GDA: variants seen among roughly 807,000 people sequenced by gnomAD.
GDA encodes guanine deaminase.
In GDA, 18 loss-of-function variants were observed where a neutral mutation model predicts 59.6. The ratio of observed to expected loss-of-function variants is 0.30; its 90% CI spans 0.21 to 0.45. The LOEUF is 0.45. Ranked by LOEUF, GDA falls within the 20% of genes least tolerant of loss-of-function variation. The probability of loss-of-function intolerance (pLI) is 1.00; values close to 1 mark genes in which losing one functional copy is unlikely to be tolerated. For synonymous variants in GDA, 201 were observed against 201.1 expected, an observed-to-expected ratio of 1.00 and a Z score of 0.00; for missense variants, 427 against 552.3, an observed-to-expected ratio of 0.77 and a Z score of 2.27.
exon 1 of GDA, chr9:72,114,690 T>C (rs981160199): frequency 4.6e-5 from 7 of 152,022 alleles, no homozygotes; most frequent in Non-Finnish European, 8.8e-5. Flanking sequence ...TTCTTTGCTT[T>C]CAAAATCCAG....
intron 1 of GDA, among the ~76,000 whole-genome samples, chr9:72,157,139 A>T (rs1001677632): frequency 6.9e-6 from 1 of 145,806 alleles, no homozygotes; most frequent in Non-Finnish European, 1.5e-5. Context: ...TCCTGGGTTC[A>T]AGCGATTCTC....
chr9:72,141,040 C>T (rs568911913), intron 1 of GDA, among the ~76,000 whole-genome samples: 25 of 152,272 alleles, frequency 1.6e-4, no homozygotes, highest in African/African-American at 5.8e-4. Context: ...AATATGGACA[C>T]TATGGCAATT....
At chr9:72,215,578 A>G (rs1163515900) in intron 5 of GDA, among the ~76,000 whole-genome samples, 1 of 152,088 alleles carries the variant, frequency 6.6e-6, no homozygotes, top group Non-Finnish European at 1.5e-5. Flanking sequence ...AGGAGGGAAG[A>G]TGTGGTTCCT....
At chr9:72,210,645 T>C in intron 3 of GDA, 42 bp from the exon 4 acceptor site, 1 of 1,112,360 alleles carries the variant, frequency 9.0e-7, no homozygotes, top group Admixed American at 1.7e-5. Context: ...ATGTGACTTT[T>C]CTGAGCACAC....
At chr9:72,174,430 A>C (rs1349220261) in intron 1 of GDA, among the ~76,000 whole-genome samples, 1 of 152,240 alleles carries the variant, frequency 6.6e-6, no homozygotes, top group Non-Finnish European at 1.5e-5. Context: ...CAGCTTGTTC[A>C]TAACTGCTAC....
chr9:72,164,184 A>G (rs542016529), intron 1 of GDA, among the ~76,000 whole-genome samples: 1 of 152,300 alleles, frequency 6.6e-6, no homozygotes, highest in African/African-American at 2.4e-5. Flanking sequence ...TGTAGAGTAA[A>G]GGTTGAGAAG....
At chr9:72,116,939 C>T (rs1223918521) in intron 1 of GDA, among the ~76,000 whole-genome samples, 3 of 149,876 alleles carry the variant, frequency 2.0e-5, no homozygotes, top group Non-Finnish European at 3.0e-5. Flanking sequence ...CACCACCCCA[C>T]GACAGGCCCC....
intron 1 of GDA, among the ~76,000 whole-genome samples, chr9:72,133,308 A>AAAAAAAAAAAAAAAT: frequency 9.8e-6 from 1 of 101,558 alleles, no homozygotes; most frequent in Non-Finnish European, 2.1e-5. Context: ...AAAAAAAAAA[A>AAAAAAAAAAAAAAAT]AATAATAATA....
downstream of GDA, among the ~76,000 whole-genome samples, chr9:72,254,259 CT>C (rs1433057553): frequency 3.3e-5 from 5 of 152,136 alleles, no homozygotes; most frequent in Admixed American, 3.3e-4. Flanking sequence ...CATTGTAAGA[CT>C]ACATTGCATT....
At chr9:72,216,234 A>G (rs1564092846) in intron 5 of GDA, among the ~76,000 whole-genome samples, 3 of 152,180 alleles carry the variant, frequency 2.0e-5, no homozygotes, top group African/African-American at 7.2e-5. Flanking sequence ...GAGCTAAAAC[A>G]TTGCAGAACA....
At chr9:72,149,950 G>A (rs554873141) in intron 1 of GDA, among the ~76,000 whole-genome samples, 2 of 152,306 alleles carry the variant, frequency 1.3e-5, no homozygotes, top group East Asian at 3.9e-4. Context: ...CGGTAGAGCC[G>A]GGAGCAAGGA....
intron 13 of GDA, 59 bp from the exon 14 acceptor site, chr9:72,248,213 A>C: frequency 8.6e-7 from 1 of 1,161,912 alleles, no homozygotes; most frequent in Non-Finnish European, 1.3e-6. Flanking sequence ...CCCAATGGCA[A>C]GGAAGATACT....
rs1415479080 is a variant in GDA, at chr9:72,125,791, TC to T, written c.-100+10962del. Among the ~76,000 whole-genome samples, 6 of 152,300 alleles carry T rather than the reference TC, an allele frequency of 3.9e-5. No individual in the cohort carries two copies. In the East Asian group the frequency reaches 1.2e-3, roughly 29 times the overall value. On this transcript the variant is annotated intron_variant, in intron 1 of 13. Coordinates refer to the GDA transcript ENST00000545168. ...TAGACCCTGGAAAGTTCTAACTTTG[TC>T]CCCATCCACCCCAATGTCCTGATCC...
At chr9:72,214,432 A>G (rs886485105) in intron 5 of GDA, among the ~76,000 whole-genome samples, 1 of 151,848 alleles carries the variant, frequency 6.6e-6, no homozygotes, top group African/African-American at 2.4e-5. Context: ...AGTAGCTGGG[A>G]CTATAGGTGC....
intron 1 of GDA, among the ~76,000 whole-genome samples, chr9:72,132,154 T>C (rs1826047465): frequency 6.6e-6 from 1 of 152,168 alleles, no homozygotes; most frequent in African/African-American, 2.4e-5. Flanking sequence ...CAAGTTACAA[T>C]TCAAAATGAG....
At chr9:72,170,550 A>G (rs1829838126) in intron 1 of GDA, among the ~76,000 whole-genome samples, 1 of 152,218 alleles carries the variant, frequency 6.6e-6, no homozygotes, top group Admixed American at 6.5e-5. Context: ...ATCCTTTGTC[A>G]GTGGGCCTGT....
At chr9:72,146,418 C>T (rs1042145563), upstream of GDA, among the ~76,000 whole-genome samples, 2 of 151,988 alleles carry the variant, frequency 1.3e-5, no homozygotes, top group African/African-American at 4.8e-5. Flanking sequence ...TCCTCCAAAC[C>T]TCTGTAGCCA....
intron 1 of GDA, among the ~76,000 whole-genome samples, chr9:72,124,569 G>A (rs1386171764): frequency 6.6e-6 from 1 of 152,192 alleles, no homozygotes; most frequent in Non-Finnish European, 1.5e-5. Flanking sequence ...GTGTTGAGAA[G>A]TCTTGGTGGA....
At chr9:72,147,616 A>AT (rs5898249), upstream of GDA, among the ~76,000 whole-genome samples, 3,334 of 148,906 alleles carry the variant, frequency 0.022, 93 homozygotes, top group African/African-American at 0.069. Flanking sequence ...ACTAGTCTCT[A>AT]TTTTTTTTTT....
Sources: gnomAD v4.1 joint callset for allele counts (sites outside exome capture counted in the v4.1 genomes callset) on GRCh38, gnomAD v4.1.1 for gene constraint, MANE v1.5 for transcripts, NCBI Gene and HGNC (gene_info 2026-07-23, HGNC 2026-07-21) for gene names.